TMEM131L: variants seen among roughly 807,000 people sequenced by gnomAD.
TMEM131L encodes the protein transmembrane protein 131-like.
TMEM131L carries 54 observed loss-of-function variants against 192.2 expected under a neutral mutation model. The observed-to-expected ratio is 0.28, with a 90% CI of 0.23 to 0.35. The LOEUF (loss-of-function observed/expected upper bound fraction) is 0.35, where lower values mean the gene tolerates loss of function less well. Among genes scored for constraint, TMEM131L ranks in the 10% least tolerant of loss-of-function variants. The pLI, the probability that TMEM131L is intolerant of heterozygous loss-of-function variation, is 1.00. For missense variants in TMEM131L, 1,888 were observed against 1,972.9 expected, an observed-to-expected ratio of 0.96 and a Z score of 0.82; for synonymous variants, 701 against 704.9, an observed-to-expected ratio of 0.99 and a Z score of 0.09.
rs1561213729 is a variant in TMEM131L at position 153,583,591 on chromosome 4, G to A, written c.979G>A (p.Ala327Thr). ...QDIRHFSQRDALSLQFEPVLL... is the reference protein window; with the variant it reads ...QDIRHFSQRDTLSLQFEPVLL... Reference sequence around the variant, plus strand: ...TATACGCCATTTCTCACAGAGAGATGCTCTGTCTCTGCAGTTTGAACCAGT... The same window carrying A: ...TATACGCCATTTCTCACAGAGAGATACTCTGTCTCTGCAGTTTGAACCAGT... The change falls in exon 11 of 35, where the codon GCT becomes ACT. Residue 327 changes from alanine to threonine, a missense_variant. Ala to Thr is a moderately conservative substitution (Grantham distance 58). Transcript: ENST00000409959. The A allele has an allele frequency of 1.9e-6, 3 of 1,610,964 alleles. No individual in the cohort carries two copies. In the African/African-American group the frequency reaches 4.0e-5, roughly 22 times the overall value.
At chr4:153,493,801 AC>A (rs1732969413) in intron 3 of TMEM131L, among the ~76,000 whole-genome samples, 1 of 152,136 alleles carries the variant, frequency 6.6e-6, no homozygotes. Context: ...TGTTAATAGT[AC>A]CTACCACAGA....
At chr4:153,569,958 G>A (rs1729475100) in intron 7 of TMEM131L, among the ~76,000 whole-genome samples, 1 of 152,204 alleles carries the variant, frequency 6.6e-6, no homozygotes, top group Admixed American at 6.5e-5. Context: ...ATCTTGGCCT[G>A]TGAGTTAACA....
At chr4:153,532,913 G>A (rs1288479034) in intron 3 of TMEM131L, among the ~76,000 whole-genome samples, 2 of 151,814 alleles carry the variant, frequency 1.3e-5, no homozygotes, top group East Asian at 3.9e-4. Flanking sequence ...ATTGGCCCTG[G>A]TAACCTGGAA....
intron 3 of TMEM131L, among the ~76,000 whole-genome samples, chr4:153,475,676 A>G (rs1731480971): frequency 3.4e-5 from 5 of 148,412 alleles, no homozygotes. Context: ...GTGGATCGAA[A>G]ATACAGAAAA....
intron 3 of TMEM131L, among the ~76,000 whole-genome samples, chr4:153,512,290 G>T (rs1734408405): frequency 6.6e-6 from 1 of 152,170 alleles, no homozygotes; most frequent in African/African-American, 2.4e-5. Context: ...CCTTAAAAAT[G>T]TGTGAAAGAG....
chr4:153,556,789 T>G (rs771661351), intron 5 of TMEM131L, among the ~76,000 whole-genome samples, 177 bp from the exon 6 acceptor site: 10 of 152,212 alleles, frequency 6.6e-5, no homozygotes, highest in Non-Finnish European at 1.3e-4. Context: ...TTGCTATATC[T>G]AAGAGCAGAT....
At chr4:153,466,597 C>G in intron 1 of TMEM131L, 76 bp downstream of exon 1, 1 of 1,217,454 alleles carries the variant, frequency 8.2e-7, no homozygotes, top group East Asian at 3.3e-5. Context: ...CTGCTGAAAT[C>G]TATAAGAGGG....
intron 24 of TMEM131L, 169 bp downstream of exon 24, chr4:153,603,621 C>T: frequency 1.0e-6 from 1 of 974,846 alleles, no homozygotes; most frequent in East Asian, 2.6e-5. Context: ...AGATAGTCTC[C>T]ATGCAAGGAC....
chr4:153,600,274 G>A (rs1332545009), intron 21 of TMEM131L, among the ~76,000 whole-genome samples: 1 of 151,962 alleles, frequency 6.6e-6, no homozygotes, highest in African/African-American at 2.4e-5. Flanking sequence ...GGCAGAGGTG[G>A]GAGGATTGAT....
At chr4:153,604,679 A>T (rs1235775968) in intron 25 of TMEM131L, among the ~76,000 whole-genome samples, 1 of 152,148 alleles carries the variant, frequency 6.6e-6, no homozygotes, top group Non-Finnish European at 1.5e-5. Flanking sequence ...TCTTGTTGGG[A>T]TGGACATGGA....
At chr4:153,496,154 G>A (rs1189083367) in intron 3 of TMEM131L, among the ~76,000 whole-genome samples, 2 of 152,158 alleles carry the variant, frequency 1.3e-5, no homozygotes, top group Non-Finnish European at 2.9e-5. Flanking sequence ...TTAGGCTATG[G>A]GTTTAACGGA....
rs1733336869 is a variant in TMEM131L, at chr4:153,620,764, T to A, written c.3576T>A (p.Asp1192Glu). ...TACTTTCTCTTCTTTAGCAAGAAGA[T>A]CCTTATAGGAAGAAAAAGCTTCAGG... Reference protein sequence around the residue: ...KQDIPFVEQEDPYRKKKLQEK... With the variant: ...KQDIPFVEQEEPYRKKKLQEK... Residue 1192 changes from aspartate (D) to glutamate (E), a missense_variant, in exon 27 of 35, where the codon GAT becomes GAA. Asp to Glu is a conservative substitution (Grantham distance 45). Transcript: ENST00000409959. 6.6e-7 allele frequency: 1 copy of A among 1,522,956 alleles called. No individual in the cohort carries two copies. The highest frequency in any genetic ancestry group is 9.0e-7 in the Non-Finnish European group (1 of 1,115,412). The allele number at this position is 1,522,956 out of a possible 1,614,324, so 94.3% of individuals were successfully genotyped here. A position where few individuals can be genotyped will look rare whatever the true frequency, so the allele number is the denominator to read the frequency against.
At chr4:153,560,820 A>G (rs539170736) in intron 7 of TMEM131L, among the ~76,000 whole-genome samples, 14 of 151,848 alleles carry the variant, frequency 9.2e-5, no homozygotes, top group Non-Finnish European at 1.9e-4. Flanking sequence ...CGTTGTTTCT[A>G]CTCTGGCTAT....
At chr4:153,623,421 A>T (rs1733597851) in intron 29 of TMEM131L, among the ~76,000 whole-genome samples, 3 of 152,182 alleles carry the variant, frequency 2.0e-5, no homozygotes, top group Admixed American at 2.0e-4. Flanking sequence ...TAAGTGCATC[A>T]CATTGTGCAG....
intron 3 of TMEM131L, among the ~76,000 whole-genome samples, chr4:153,521,782 A>G (rs1447423618): frequency 1.3e-5 from 2 of 151,064 alleles, no homozygotes; most frequent in Non-Finnish European, 2.9e-5. Context: ...ATCATACGTT[A>G]CTTGTCTTTT....
chr4:153,558,964 A>G (rs1347428085), intron 7 of TMEM131L, among the ~76,000 whole-genome samples: 3 of 152,232 alleles, frequency 2.0e-5, no homozygotes, highest in Non-Finnish European at 4.4e-5. Context: ...TTGATTATCC[A>G]TATTTCCTTG....
intron 3 of TMEM131L, among the ~76,000 whole-genome samples, chr4:153,495,324 C>CAA (rs987730764): frequency 1.4e-5 from 2 of 141,258 alleles, no homozygotes; most frequent in African/African-American, 5.3e-5. Context: ...CGTCTGAAAA[C>CAA]AAAAAAAAAA....
intron 7 of TMEM131L, among the ~76,000 whole-genome samples, chr4:153,570,125 C>T (rs565159180): frequency 7.9e-5 from 12 of 152,272 alleles, no homozygotes; most frequent in South Asian, 6.2e-4. Context: ...GGTTTCCCCA[C>T]GGTTTCAGAA....
chr4:153,537,735 T>A (rs1039972188), intron 3 of TMEM131L, among the ~76,000 whole-genome samples: 1 of 152,184 alleles, frequency 6.6e-6, no homozygotes, highest in African/African-American at 2.4e-5. Flanking sequence ...CATCCAAGAC[T>A]TAGAATGCCT....
Sources: allele counts gnomAD v4.1 joint callset (sites outside exome capture counted in the v4.1 genomes callset), GRCh38; gene constraint gnomAD v4.1.1; transcripts MANE v1.5; gene names NCBI Gene and HGNC (gene_info 2026-07-23, HGNC 2026-07-21).